RORA: variants seen among roughly 807,000 people sequenced by gnomAD.
The protein encoded by RORA is RAR related orphan receptor A, also known as nuclear receptor ROR-alpha.
A neutral mutation model predicts 69.5 loss-of-function variants in RORA; 7 were observed. The observed-to-expected ratio is 0.10, with a 90% CI of 0.06 to 0.19. RORA has a LOEUF of 0.19. Among genes scored for constraint, RORA ranks in the 10% least tolerant of loss-of-function variants. RORA has a pLI of 1.00. For synonymous variants in RORA, 261 were observed against 240.8 expected (o/e 1.08, Z -0.78); for missense variants, 457 against 663.0 (o/e 0.69, Z 3.41).
chr15:60,655,923 A>C (rs1052871029), intron 2 of RORA, among the ~76,000 whole-genome samples: 2 of 152,222 alleles, frequency 1.3e-5, no homozygotes, highest in African/African-American at 2.4e-5. Context: ...ATTAAAGAAT[A>C]ATTTCAAGGA....
rs760891392 is a variant in RORA, at chr15:61,200,760, G to A, written c.166+28293C>T. ...TGGCAGTTGTTGCACTTAATTGAGT[G>A]AAAAAAGCTGTCAGTCTAATGCCCC... On this transcript the variant is annotated intron_variant, in intron 1 of 10. Transcript: ENST00000335670. 7.0e-4 allele frequency among the ~76,000 whole-genome samples: 107 copies of A among 152,244 alleles called. 1 individual carries two copies. The highest frequency in any genetic ancestry group is 7.4e-4 in the Non-Finnish European group (50 of 68,014).
intron 4 of RORA, among the ~76,000 whole-genome samples, chr15:60,513,086 G>T (rs1466682591): frequency 6.6e-6 from 1 of 152,240 alleles, no homozygotes; most frequent in Non-Finnish European, 1.5e-5. Context: ...GGCCCTCACA[G>T]TGGCCAGGTG....
chr15:61,095,459 A>G (rs1273402041), intron 1 of RORA, among the ~76,000 whole-genome samples: 1 of 152,262 alleles, frequency 6.6e-6, no homozygotes, highest in Non-Finnish European at 1.5e-5. Flanking sequence ...AAACCAATAA[A>G]GAAAAGACTG....
chr15:60,907,686 G>A (rs1239722222), intron 1 of RORA, among the ~76,000 whole-genome samples: 2 of 152,114 alleles, frequency 1.3e-5, no homozygotes, highest in Non-Finnish European at 2.9e-5. Context: ...GGAGCCCTGG[G>A]CTGAGGATGC....
At chr15:60,508,788 G>A (rs16942653) in intron 5 of RORA, among the ~76,000 whole-genome samples, 8,072 of 152,182 alleles carry the variant, frequency 0.053, 734 homozygotes, top group African/African-American at 0.18. Flanking sequence ...GCTTTGCCCA[G>A]TATATCAGCT....
chr15:60,609,345 A>G (rs1278467900), intron 2 of RORA, among the ~76,000 whole-genome samples: 1 of 152,208 alleles, frequency 6.6e-6, no homozygotes, highest in Non-Finnish European at 1.5e-5. Context: ...TAATTAGGCA[A>G]AATAACATGG....
intron 1 of RORA, among the ~76,000 whole-genome samples, chr15:60,821,577 A>C (rs561544985): frequency 6.6e-6 from 1 of 152,240 alleles, no homozygotes; most frequent in African/African-American, 2.4e-5. Flanking sequence ...ATCATATTCT[A>C]GTGATTTGTA....
At chr15:60,829,800 A>G (rs2073017100) in intron 1 of RORA, among the ~76,000 whole-genome samples, 1 of 152,226 alleles carries the variant, frequency 6.6e-6, no homozygotes, top group African/African-American at 2.4e-5. Flanking sequence ...AAATTCACAC[A>G]TTTATTAATG....
intron 1 of RORA, among the ~76,000 whole-genome samples, chr15:61,078,233 G>A (rs774984115): frequency 7.9e-5 from 12 of 151,916 alleles, no homozygotes; most frequent in Non-Finnish European, 1.8e-4. Context: ...GTGCAATCTC[G>A]GTTCACTGCA....
At chr15:60,910,906 T>G (rs1240146738) in intron 1 of RORA, among the ~76,000 whole-genome samples, 2 of 63,812 alleles carry the variant, frequency 3.1e-5, no homozygotes, top group Admixed American at 1.8e-4. Flanking sequence ...TTTTTTGGGT[T>G]TTTTTTTTTT....
At chr15:60,973,852 A>G (rs1055048562) in intron 1 of RORA, among the ~76,000 whole-genome samples, 8 of 152,336 alleles carry the variant, frequency 5.3e-5, no homozygotes, top group East Asian at 1.9e-4. Flanking sequence ...GGACTCGCCA[A>G]TTAGGCCCAG....
At chr15:61,032,315 A>G (rs1405072113) in intron 1 of RORA, among the ~76,000 whole-genome samples, 3 of 152,238 alleles carry the variant, frequency 2.0e-5, no homozygotes, top group Non-Finnish European at 2.9e-5. Context: ...GAAGAATGGT[A>G]TATCTCCCCC....
chr15:60,907,041 A>G (rs1891563193), intron 1 of RORA, among the ~76,000 whole-genome samples: 1 of 152,058 alleles, frequency 6.6e-6, no homozygotes, highest in South Asian at 2.1e-4. Flanking sequence ...CAGGGTTTGA[A>G]CCCGATTTTC....
chr15:60,743,295 G>A (rs781221554), intron 1 of RORA, among the ~76,000 whole-genome samples: 4 of 152,114 alleles, frequency 2.6e-5, no homozygotes, highest in South Asian at 2.1e-4. Context: ...GATTACAGGC[G>A]TGAGCCACCG....
chr15:60,639,516 G>A (rs889417459), intron 2 of RORA, among the ~76,000 whole-genome samples: 25 of 152,142 alleles, frequency 1.6e-4, no homozygotes, highest in Non-Finnish European at 3.2e-4. Context: ...GTGAGATGGG[G>A]AAAATTTCCT....
chr15:61,073,987 GC>G (rs1250017514), intron 1 of RORA, among the ~76,000 whole-genome samples: 1 of 152,180 alleles, frequency 6.6e-6, no homozygotes, highest in Admixed American at 6.5e-5. Context: ...TCATAACTGA[GC>G]TTAATGATAA....
At chr15:60,656,381 T>C (rs747814359) in intron 2 of RORA, among the ~76,000 whole-genome samples, 2 of 152,192 alleles carry the variant, frequency 1.3e-5, no homozygotes, top group Non-Finnish European at 2.9e-5. Flanking sequence ...CAATCTTGCC[T>C]TCAAGGCGTT....
At chr15:60,837,997 T>C (rs983388142) in intron 1 of RORA, among the ~76,000 whole-genome samples, 1 of 152,076 alleles carries the variant, frequency 6.6e-6, no homozygotes, top group African/African-American at 2.4e-5. Flanking sequence ...CTTTTAGAAA[T>C]GAACAACCCG....
chr15:60,760,903 C>A (rs1567181167), intron 1 of RORA, among the ~76,000 whole-genome samples: 1 of 151,474 alleles, frequency 6.6e-6, no homozygotes, highest in Non-Finnish European at 1.5e-5. Context: ...ATATTTGTAA[C>A]CACTGTGACT....
Sources: gnomAD v4.1 joint callset for allele counts (sites outside exome capture counted in the v4.1 genomes callset) on GRCh38, gnomAD v4.1.1 for gene constraint, MANE v1.5 for transcripts, NCBI Gene and HGNC (gene_info 2026-07-23, HGNC 2026-07-21) for gene names.